The following TSPAN12 variants were observed in gnomAD, a reference collection of about 807,000 sequenced individuals.
TSPAN12 encodes tetraspanin 12.
A neutral mutation model predicts 39.2 loss-of-function variants in TSPAN12; 19 were observed. The ratio of observed to expected loss-of-function variants is 0.49; its 90% CI spans 0.34 to 0.71. The LOEUF is 0.71. TSPAN12 is among the 30% of genes least tolerant of loss of function. TSPAN12 has a pLI of 0.01. For missense variants in TSPAN12, 314 were observed against 359.9 expected (o/e 0.87, Z 1.03); for synonymous variants, 119 against 124.8 (o/e 0.95, Z 0.31).
intron 4 of TSPAN12, among the ~76,000 whole-genome samples, chr7:120,828,538 C>T (rs1236266240): frequency 1.3e-5 from 2 of 152,122 alleles, no homozygotes; most frequent in Non-Finnish European, 2.9e-5. Context: ...GTCCACCAAC[C>T]ACTCACTGCC....
chr7:120,810,641 C>A (rs975773688), intron 5 of TSPAN12, 71 bp from the exon 6 acceptor site: 11 of 797,318 alleles, frequency 1.4e-5, no homozygotes, highest in Non-Finnish European at 2.5e-5. Flanking sequence ...CACACACACA[C>A]ACACACACAC....
chr7:120,818,069 C>A (rs1468135522), intron 4 of TSPAN12, among the ~76,000 whole-genome samples: 1 of 151,986 alleles, frequency 6.6e-6, no homozygotes, highest in African/African-American at 2.4e-5. Flanking sequence ...AAGAAAGAAG[C>A]AATGCTGTTA....
chr7:120,848,570 G>C (rs539362376), intron 2 of TSPAN12, among the ~76,000 whole-genome samples: 1 of 152,190 alleles, frequency 6.6e-6, no homozygotes, highest in Non-Finnish European at 1.5e-5. Context: ...TATCAGATTA[G>C]AAGCTGGCTA....
intron 7 of TSPAN12, among the ~76,000 whole-genome samples, chr7:120,799,262 G>A (rs1322151351): frequency 1.3e-5 from 2 of 151,242 alleles, no homozygotes; most frequent in African/African-American, 4.9e-5. Flanking sequence ...AAAAATAGTT[G>A]ACCTTATAAC....
chr7:120,830,235 A>G (rs1207574613), intron 4 of TSPAN12, among the ~76,000 whole-genome samples: 1 of 152,178 alleles, frequency 6.6e-6, no homozygotes. Context: ...AAAGTGACCT[A>G]CAAATTCAAT....
At chr7:120,792,436 A>G (rs531411108) in intron 7 of TSPAN12, among the ~76,000 whole-genome samples, 1 of 152,270 alleles carries the variant, frequency 6.6e-6, no homozygotes, top group East Asian at 1.9e-4. Flanking sequence ...AGTTGTGCAC[A>G]TGGGGGCTTG....
intron 2 of TSPAN12, among the ~76,000 whole-genome samples, chr7:120,843,453 C>G (rs1255727809): frequency 6.6e-6 from 1 of 152,182 alleles, no homozygotes; most frequent in East Asian, 1.9e-4. Flanking sequence ...CTAAGTACCT[C>G]CCTTATGGGG....
chr7:120,847,903 T>A (rs1221076782), intron 2 of TSPAN12, among the ~76,000 whole-genome samples: 6 of 152,154 alleles, frequency 3.9e-5, no homozygotes, highest in Admixed American at 1.3e-4. Flanking sequence ...AGAACAAAGT[T>A]TAAACTCTTG....
At chr7:120,819,478 TC>T (rs1393417076) in intron 4 of TSPAN12, among the ~76,000 whole-genome samples, 1 of 152,072 alleles carries the variant, frequency 6.6e-6, no homozygotes, top group Non-Finnish European at 1.5e-5. Flanking sequence ...ATGCCAGTTA[TC>T]CCATACAAAA....
intron 5 of TSPAN12, among the ~76,000 whole-genome samples, chr7:120,811,034 T>C (rs1407822928): frequency 2.0e-5 from 3 of 152,214 alleles, no homozygotes; most frequent in Non-Finnish European, 4.4e-5. Context: ...AGAATTTGGC[T>C]CAACTCAAGC....
chr7:120,839,718 G>A (rs888542065), intron 3 of TSPAN12, among the ~76,000 whole-genome samples: 24 of 152,120 alleles, frequency 1.6e-4, no homozygotes, highest in Admixed American at 1.6e-3. Context: ...AATTTTCTTA[G>A]GGAAAAGTAA....
At chr7:120,833,760 C>A (rs963396753) in intron 4 of TSPAN12, among the ~76,000 whole-genome samples, 3 of 152,130 alleles carry the variant, frequency 2.0e-5, no homozygotes, top group Non-Finnish European at 4.4e-5. Flanking sequence ...TTGTCAACAT[C>A]ATAAACATGT....
intron 7 of TSPAN12, among the ~76,000 whole-genome samples, chr7:120,800,836 C>T (rs1793755694): frequency 6.8e-6 from 1 of 148,028 alleles, no homozygotes; most frequent in African/African-American, 2.5e-5. Flanking sequence ...GCAACCTTCA[C>T]CGCCTAGGTT....
At chr7:120,828,311 C>T (rs1794327378) in intron 4 of TSPAN12, among the ~76,000 whole-genome samples, 2 of 152,160 alleles carry the variant, frequency 1.3e-5, no homozygotes, top group South Asian at 2.1e-4. Flanking sequence ...TAGAACAGAT[C>T]GTGCTTCTGC....
At chr7:120,830,064 T>C (rs958598552) in intron 4 of TSPAN12, among the ~76,000 whole-genome samples, 1 of 152,092 alleles carries the variant, frequency 6.6e-6, no homozygotes, top group Non-Finnish European at 1.5e-5. Context: ...TCAGAAGCCA[T>C]AAAATACTTA....
chr7:120,833,704 A>G (rs2116446501), intron 4 of TSPAN12, among the ~76,000 whole-genome samples: 2 of 152,302 alleles, frequency 1.3e-5, no homozygotes, highest in African/African-American at 4.8e-5. Context: ...ATATATTTGC[A>G]TCACATCCTG....
intron 4 of TSPAN12, among the ~76,000 whole-genome samples, chr7:120,819,449 T>C (rs933072894): frequency 6.6e-6 from 1 of 152,064 alleles, no homozygotes; most frequent in African/African-American, 2.4e-5. Flanking sequence ...ATCTTTCAGA[T>C]TTCCAATGGT....
At chr7:120,852,020 G>T (rs557572316) in intron 2 of TSPAN12, among the ~76,000 whole-genome samples, 1 of 152,126 alleles carries the variant, frequency 6.6e-6, no homozygotes, top group African/African-American at 2.4e-5. Context: ...TTTCTTCTTA[G>T]ACGCATTTAT....
intron 4 of TSPAN12, among the ~76,000 whole-genome samples, chr7:120,819,449 T>A (rs933072894): frequency 6.6e-6 from 1 of 152,064 alleles, no homozygotes; most frequent in Non-Finnish European, 1.5e-5. Flanking sequence ...ATCTTTCAGA[T>A]TTCCAATGGT....
Sources: allele counts gnomAD v4.1 joint callset (sites outside exome capture counted in the v4.1 genomes callset), GRCh38; gene constraint gnomAD v4.1.1; transcripts MANE v1.5; gene names NCBI Gene and HGNC (gene_info 2026-07-23, HGNC 2026-07-21).